METTL16: variants seen among roughly 807,000 people sequenced by gnomAD.
METTL16 encodes the protein methyltransferase 16, RNA N6-adenosine.
In METTL16, 19 loss-of-function variants were observed where a neutral mutation model predicts 57.9. The ratio of observed to expected loss-of-function variants is 0.33; its 90% CI spans 0.23 to 0.48. METTL16 has a LOEUF of 0.48. Among genes scored for constraint, METTL16 ranks in the 20% least tolerant of loss-of-function variants. The probability of loss-of-function intolerance (pLI) is 0.99; values close to 1 mark genes in which losing one functional copy is unlikely to be tolerated. For missense variants in METTL16, 434 were observed against 691.5 expected (o/e 0.63, Z 4.18); for synonymous variants, 246 against 255.6 (o/e 0.96, Z 0.36).
Position 2,430,697 on chromosome 17 carries a change from C to A in METTL16, c.888+7412G>T, listed in dbSNP as rs968995774. 1.1e-4 allele frequency among the ~76,000 whole-genome samples: 16 copies of A among 152,014 alleles called. 1 individual carries two copies. The South Asian group carries it at 3.1e-3, about 30-fold the overall frequency. On this transcript the variant is annotated intron_variant, in intron 8 of 9. Transcript: ENST00000263092. ...CCTCCTAAAGTGCTGGGATTACAGG[C>A]GTGAGCCACCGCGCCCAGCCTAGAT...
chr17:2,430,410 CTCT>C (rs1378756741), intron 8 of METTL16, among the ~76,000 whole-genome samples: 1 of 140,782 alleles, frequency 7.1e-6, no homozygotes, highest in African/African-American at 2.6e-5. Context: ...TTTTAGAATT[CTCT>C]TTTTTTTTTT....
At chr17:2,423,821 A>G (rs768534076) in intron 8 of METTL16, among the ~76,000 whole-genome samples, 12 of 152,248 alleles carry the variant, frequency 7.9e-5, no homozygotes, top group Non-Finnish European at 1.6e-4. Context: ...CTCCAAAAGT[A>G]AGGACGGGCT....
At chr17:2,498,175 C>T (rs542089147) in intron 2 of METTL16, among the ~76,000 whole-genome samples, 1 of 138,214 alleles carries the variant, frequency 7.2e-6, no homozygotes, top group East Asian at 2.2e-4. Flanking sequence ...GCCTGGGCGA[C>T]AGAGTAAGAC....
chr17:2,446,002 A>C (rs2151552644), intron 6 of METTL16, among the ~76,000 whole-genome samples: 1 of 152,314 alleles, frequency 6.6e-6, no homozygotes, highest in Non-Finnish European at 1.5e-5. Flanking sequence ...TAAAAAGGAC[A>C]AACCACATTA....
At chr17:2,483,909 A>G (rs541800311) in intron 2 of METTL16, among the ~76,000 whole-genome samples, 10 of 152,380 alleles carry the variant, frequency 6.6e-5, no homozygotes, top group African/African-American at 2.4e-4. Flanking sequence ...TCTAAGTACC[A>G]TGCTAAGGCA....
In METTL16 at chr17:2,476,688, G is replaced by A. The variant is rs537392995; in HGVS notation, c.328+998C>T. Among the ~76,000 whole-genome samples the A allele has an allele frequency of 3.3e-5, 5 of 152,354 alleles. No homozygotes were observed. The East Asian group carries it at 7.7e-4, about 23-fold the overall frequency. On this transcript the variant is annotated intron_variant, in intron 3 of 9. Coordinates refer to ENST00000263092, the MANE Select transcript of METTL16 (RefSeq NM_024086.4). ...TTAGAAATAGAGGCTGGGCATGGTG[G>A]CTCACGCCTGTAATCCCAGCACTTT... is the stretch of plus-strand genomic sequence containing the variant.
chr17:2,470,859 T>A (rs903178428), intron 4 of METTL16, among the ~76,000 whole-genome samples: 1 of 152,208 alleles, frequency 6.6e-6, no homozygotes, highest in African/African-American at 2.4e-5. Context: ...TAGCTATTGA[T>A]AAACTAATTG....
In METTL16 at chr17:2,420,409, C is replaced by A; in HGVS notation, c.1250G>T (p.Gly417Val). 6.2e-7 allele frequency: 1 copy of A among 1,613,958 alleles called. No individual in the cohort carries two copies. The highest frequency in any genetic ancestry group is 1.1e-5 in the South Asian group (1 of 91,090). ...GCCCCTGGCCAGTTCTTGGCTATTGCCAGACTCTTTGGGGGTGGGCTTTTT... is the reference window on the plus strand; with the variant it reads ...GCCCCTGGCCAGTTCTTGGCTATTGACAGACTCTTTGGGGGTGGGCTTTTT... The part of the protein sequence containing the change: ...EEKKPTPKES[G>V]NSQELARGPQ... Residue 417 changes from glycine (G) to valine (V), a missense_variant, in exon 10 of 10, where the codon GGC becomes GTC. Transcript: ENST00000263092. The surrounding 1 kb of genome is among the most constrained non-coding windows in gnomAD (Gnocchi z 5.4).
At chr17:2,507,874 G>A (rs888185724) in intron 1 of METTL16, among the ~76,000 whole-genome samples, 2 of 152,204 alleles carry the variant, frequency 1.3e-5, no homozygotes, top group Non-Finnish European at 2.9e-5. Context: ...ACTCAGGGTT[G>A]AATGGATGAA....
chr17:2,419,488 AT>A lies in METTL16; in HGVS notation c.*481del. ...CCCACCATACAGCTCCCTTTGTGGG[AT>A]TGATGCAAGGTAGGCCCCATCTTGA... On this transcript the variant is annotated 3_prime_UTR_variant, in exon 10 of 10. Transcript: ENST00000263092. The A allele has an allele frequency of 2.7e-6, 1 of 368,956 alleles. No individual in the cohort carries two copies. Among genetic ancestry groups the A allele is most frequent in the East Asian group, 7.4e-5 (1 of 13,490 alleles). 22.9% of individuals were successfully genotyped at this position (368,956 alleles called of 1,614,324 possible). A position where few individuals can be genotyped will look rare whatever the true frequency, so the allele number is the denominator to read the frequency against.
At chr17:2,494,465 T>C (rs2067425920) in intron 2 of METTL16, among the ~76,000 whole-genome samples, 1 of 152,256 alleles carries the variant, frequency 6.6e-6, no homozygotes. Context: ...TAATAGCACG[T>C]GCCCACTTTA....
intron 8 of METTL16, among the ~76,000 whole-genome samples, chr17:2,427,424 T>G (rs1009238953): frequency 6.6e-6 from 1 of 152,146 alleles, no homozygotes; most frequent in Non-Finnish European, 1.5e-5. Context: ...GTGGAAACGT[T>G]CCAAATGACT....
chr17:2,458,407 A>AT (rs2067125951), intron 6 of METTL16, among the ~76,000 whole-genome samples: 2 of 129,386 alleles, frequency 1.5e-5, no homozygotes, highest in South Asian at 2.9e-4. Flanking sequence ...TGGAGAATAA[A>AT]TTAAAAAAAA....
At chr17:2,451,350 G>T (rs985339325) in intron 6 of METTL16, among the ~76,000 whole-genome samples, 1 of 152,120 alleles carries the variant, frequency 6.6e-6, no homozygotes, top group African/African-American at 2.4e-5. Context: ...CGGGCACAGC[G>T]GCTCACGCCT....
chr17:2,430,883 T>C (rs533788913), intron 8 of METTL16, among the ~76,000 whole-genome samples: 82 of 152,150 alleles, frequency 5.4e-4, no homozygotes, highest in African/African-American at 1.9e-3. Context: ...TCTATCACCA[T>C]GGGTTGTACC....
chr17:2,476,119 A>C (rs2067267035), intron 3 of METTL16, among the ~76,000 whole-genome samples: 1 of 152,246 alleles, frequency 6.6e-6, no homozygotes, highest in African/African-American at 2.4e-5. Context: ...GCAAGTATCA[A>C]GGACCACAGG....
intron 5 of METTL16, among the ~76,000 whole-genome samples, chr17:2,465,408 G>C (rs867305366): frequency 1.3e-5 from 2 of 151,818 alleles, no homozygotes; most frequent in Non-Finnish European, 2.9e-5. Flanking sequence ...TTAGCTGGGC[G>C]TGGTGGCTCA....
At chr17:2,448,754 A>AT (rs374955544) in intron 6 of METTL16, among the ~76,000 whole-genome samples, 20,810 of 116,054 alleles carry the variant, frequency 0.18, 4,429 homozygotes, top group African/African-American at 0.54. Context: ...AAAAAAAATA[A>AT]AATAAAAAAA....
chr17:2,477,995 TCA>T (rs1395584033), intron 2 of METTL16, 110 bp from the exon 3 acceptor site: 10 of 803,468 alleles, frequency 1.2e-5, no homozygotes, highest in South Asian at 6.5e-5. Context: ...CCCAGGGAGA[TCA>T]CACACAGTTA....
Sources: gnomAD v4.1 joint callset for allele counts (sites outside exome capture counted in the v4.1 genomes callset) on GRCh38, gnomAD v4.1.1 for gene constraint, Gnocchi (gnomAD v3.1) non-coding constraint, MANE v1.5 for transcripts, NCBI Gene and HGNC (gene_info 2026-07-23, HGNC 2026-07-21) for gene names.